Variants in WDR83 observed in about 807,000 individuals in gnomAD.
The protein encoded by WDR83 is WD repeat domain-containing protein 83.
In WDR83, 37 loss-of-function variants were observed where a neutral mutation model predicts 37.7. The observed-to-expected ratio is 0.98, with a 90% CI of 0.76 to 1.29. The LOEUF (loss-of-function observed/expected upper bound fraction) is 1.29. WDR83 is among the 50% of genes most tolerant of loss of function. The probability of loss-of-function intolerance (pLI) is 0.00; values close to 1 mark genes in which losing one functional copy is unlikely to be tolerated. For missense variants in WDR83, 445 were observed against 414.4 expected (o/e 1.07, Z -0.64); for synonymous variants, 174 against 181.1 (o/e 0.96, Z 0.31).
At chr19:12,671,986 G>C (rs994978046) in intron 7 of WDR83, among the ~76,000 whole-genome samples, 2 of 152,156 alleles carry the variant, frequency 1.3e-5, no homozygotes, top group Admixed American at 6.5e-5. Context: ...GTGAGCCACC[G>C]CGCCTGGTGG....
chr19:12,669,332 C>A, intron 2 of WDR83: 1 of 1,605,408 alleles, frequency 6.2e-7, no homozygotes, highest in Non-Finnish European at 8.5e-7. Flanking sequence ...CGAACCCGTG[C>A]CCACGACGCT....
chr19:12,668,312 G>T, intron 1 of WDR83, 196 bp from the exon 2 acceptor site: 3 of 1,573,554 alleles, frequency 1.9e-6, no homozygotes, highest in Non-Finnish European at 2.6e-6. Context: ...CAAAGCCCAG[G>T]CCTAGTGGAT....
In WDR83 at chr19:12,675,637, G is replaced by A. The variant is rs764078217; in HGVS notation, c.913G>A (p.Glu305Lys). 6.2e-7 allele frequency: 1 copy of A among 1,601,870 alleles called. No homozygotes were observed. The highest frequency in any genetic ancestry group is 1.1e-5 in the South Asian group (1 of 90,990). ...GGGAGGCAGCGTCCAGTGCTGGCGA[G>A]AGGAGGCCTATGAGGCAGAGGATGG... is the stretch of plus-strand genomic sequence containing the variant. ...AMGGSVQCWR[E>K]EAYEAEDGAG The change falls in exon 11 of 11, where the codon GAG (glutamate) becomes AAG (lysine). Residue 305 changes from glutamate to lysine, a missense_variant. By Grantham distance (56) the Glu-to-Lys change is moderately conservative. Transcript: ENST00000418543.
Position 12,673,019 on chromosome 19 carries a change from T to C in WDR83, c.586T>C (p.Cys196Arg). Residue 196 changes from cysteine (C) to arginine (R), a missense_variant, in exon 9 of 11, where the codon TGC becomes CGC. By Grantham distance (180) the Cys-to-Arg change is radical. Transcript: ENST00000418543. Reference sequence around the variant, plus strand: ...ACCCTTCCCCCAAGGCCCCATCACCTGCACCTGCTTCAGCCGGGATGGGCA... The same window carrying C: ...ACCCTTCCCCCAAGGCCCCATCACCCGCACCTGCTTCAGCCGGGATGGGCA... ...FSDYVGSPIT[C>R]TCFSRDGQCT... 1 of 1,520,452 alleles carries C rather than the reference T, an allele frequency of 6.6e-7. No individual in the cohort carries two copies. The highest frequency in any genetic ancestry group is 8.9e-7 in the Non-Finnish European group (1 of 1,118,234). 94.2% of individuals were successfully genotyped at this position (1,520,452 alleles called of 1,614,324 possible). A position where few individuals can be genotyped will look rare whatever the true frequency, so the allele number is the denominator to read the frequency against.
chr19:12,668,914 C>T (rs1211665084), intron 2 of WDR83, among the ~76,000 whole-genome samples: 1 of 152,164 alleles, frequency 6.6e-6, no homozygotes, highest in Non-Finnish European at 1.5e-5. Flanking sequence ...TGGCCCCACT[C>T]GCAGACCAAT....
intron 7 of WDR83, 156 bp from the exon 8 acceptor site, chr19:12,672,691 A>T (rs2024457743): frequency 1.4e-6 from 1 of 701,268 alleles, no homozygotes; most frequent in South Asian, 1.7e-5. Flanking sequence ...ATGGAGTAGG[A>T]CGTAATTGGC....
rs757984573 is a variant in WDR83, at chr19:12,675,681, G to T, written c.*9G>T. The T allele has an allele frequency of 2.1e-5, 34 of 1,599,632 alleles. No homozygotes were observed. Among genetic ancestry groups the T allele is most frequent in the African/African-American group, 2.7e-5 (2 of 74,864 alleles). On this transcript the variant is annotated 3_prime_UTR_variant, in exon 11 of 11. Transcript: ENST00000418543. The stretch of plus-strand genomic sequence containing the variant: ...AGGATGGAGCAGGCTGAAGCCAGGG[G>T]ACCCACCAACAGGACCAAGGACCGA...
At chr19:12,668,236 G>T in intron 1 of WDR83, 1 of 1,008,864 alleles carries the variant, frequency 9.9e-7, no homozygotes. Context: ...TATCCAGCTG[G>T]GGGCACCGAG....
rs1340770137 is a variant in WDR83, at chr19:12,675,694, G to A, written c.*22G>A. The A allele has an allele frequency of 2.5e-6, 4 of 1,597,676 alleles. No homozygotes were observed. The highest frequency in any genetic ancestry group is 3.4e-6 in the Non-Finnish European group (4 of 1,177,670). ...CTGAAGCCAGGGGACCCACCAACAG[G>A]ACCAAGGACCGAGACACAGACATGG... On this transcript the variant is annotated 3_prime_UTR_variant, in exon 11 of 11. Coordinates refer to ENST00000418543, the MANE Select transcript of WDR83 (RefSeq NM_001099737.3).
At chr19:12,672,796 G>C in intron 7 of WDR83, 51 bp from the exon 8 acceptor site, 1 of 1,535,268 alleles carries the variant, frequency 6.5e-7, no homozygotes, top group Non-Finnish European at 8.8e-7. Flanking sequence ...GGGCTGCCTG[G>C]AGCCATGTGA....
intron 9 of WDR83, 25 bp from the exon 10 acceptor site, chr19:12,673,176 AG>A: frequency 6.2e-7 from 1 of 1,613,330 alleles, no homozygotes; most frequent in African/African-American, 1.3e-5. Flanking sequence ...GAGAGGACCA[AG>A]CCCCCCGATC....
chr19:12,670,514 C>G, intron 5 of WDR83, 49 bp from the exon 6 acceptor site: 4 of 1,613,838 alleles, frequency 2.5e-6, no homozygotes, highest in Non-Finnish European at 3.4e-6. Context: ...CTGCCTTTAT[C>G]CCAGTCCTCC....
At chr19:12,673,456 C>T (rs148819664) in intron 10 of WDR83, 140 bp downstream of exon 10, 70 of 620,110 alleles carry the variant, frequency 1.1e-4, no homozygotes, top group East Asian at 9.6e-4. Context: ...CTTGCTCTGT[C>T]GCCCAGGCTA....
chr19:12,669,758 G>A lies in WDR83; in HGVS notation c.-33G>A. 2 of 1,555,236 alleles carry A rather than the reference G, an allele frequency of 1.3e-6. No individual in the cohort carries two copies. The highest frequency in any genetic ancestry group is 1.7e-6 in the Non-Finnish European group (2 of 1,151,448). On this transcript the variant is annotated 5_prime_UTR_variant, in exon 3 of 11. Transcript: ENST00000418543. ...AGGCGCGGAATTTTCCGTACAGACC[G>A]ATTTAAGGCTGCAAGGAAGGAGTCC...
chr19:12,675,428 C>T, intron 10 of WDR83, 95 bp from the exon 11 acceptor site: 2 of 1,513,236 alleles, frequency 1.3e-6, no homozygotes, highest in Admixed American at 2.0e-5. Context: ...TGACTGAGGG[C>T]TTCAGGCAGG....
intron 3 of WDR83, 24 bp from the exon 4 acceptor site, chr19:12,669,953 T>G: frequency 1.9e-6 from 3 of 1,604,182 alleles, no homozygotes; most frequent in Non-Finnish European, 2.6e-6. Flanking sequence ...GACGGCCCAG[T>G]AACCCCCGCC....
In WDR83 at chr19:12,670,617, T is replaced by C; in HGVS notation, c.379+6T>C. ...GGCCACAGTTATCCTGTCCGGTGAG[T>C]CTGGGGCCTAAGCACGGGGGCCCAG... On this transcript the variant is annotated splice_donor_region_variant and intron_variant, in intron 6 of 10. Coordinates refer to ENST00000418543, the MANE Select transcript of WDR83 (RefSeq NM_001099737.3). 1.2e-6 allele frequency: 2 copies of C among 1,614,130 alleles called. No individual in the cohort carries two copies. The highest frequency in any genetic ancestry group is 1.1e-5 in the South Asian group (1 of 91,080).
intron 2 of WDR83, chr19:12,669,006 C>G: frequency 6.8e-6 from 7 of 1,022,678 alleles, no homozygotes; most frequent in Non-Finnish European, 1.0e-5. Context: ...CGCAGCCCCA[C>G]TCCCGGCCGA....
At chr19:12,669,723 TG>T in intron 2 of WDR83, 31 bp from the exon 3 acceptor site, 1 of 1,460,810 alleles carries the variant, frequency 6.8e-7, no homozygotes, top group Non-Finnish European at 9.3e-7. Flanking sequence ...CACCCAAGCG[TG>T]GGTTTCTAAG....
Sources: allele counts gnomAD v4.1 joint callset (sites outside exome capture counted in the v4.1 genomes callset), GRCh38; gene constraint gnomAD v4.1.1; transcripts MANE v1.5; gene names NCBI Gene and HGNC (gene_info 2026-07-23, HGNC 2026-07-21).